Variants in CSMD1 observed in about 807,000 individuals in gnomAD.
CSMD1 encodes CUB and Sushi multiple domains 1, also known as CUB and sushi domain-containing protein 1.
CSMD1 carries 213 observed loss-of-function variants against 417.5 expected under a neutral mutation model. The observed-to-expected ratio is 0.51, with a 90% CI of 0.46 to 0.57. CSMD1 has a LOEUF of 0.57. CSMD1 is among the 20% of genes least tolerant of loss of function. The probability of loss-of-function intolerance (pLI) is 0.00; values close to 1 mark genes in which losing one functional copy is unlikely to be tolerated. For missense variants in CSMD1, 6,923 were observed against 4,529.7 expected (o/e 1.53, Z -15.17); for synonymous variants, 2,862 against 1,736.8 (o/e 1.65, Z -16.11).
intron 10 of CSMD1, among the ~76,000 whole-genome samples, chr8:3,541,577 AAAT>A: frequency 1.7e-5 from 1 of 57,750 alleles, no homozygotes; most frequent in East Asian, 6.7e-4. Flanking sequence ...ATATAATAAA[AAAT>A]AAAATAAAAA....
At chr8:4,138,267 C>A (rs141782904) in intron 3 of CSMD1, among the ~76,000 whole-genome samples, 1 of 146,394 alleles carries the variant, frequency 6.8e-6, no homozygotes, top group East Asian at 2.2e-4. Context: ...CCTGGCTATG[C>A]CATAAACTAA....
chr8:3,598,914 C>A (rs918523827), intron 8 of CSMD1, among the ~76,000 whole-genome samples: 2 of 152,028 alleles, frequency 1.3e-5, no homozygotes, highest in African/African-American at 4.8e-5. Flanking sequence ...AACCCCATCT[C>A]TATGAAAAAT....
intron 10 of CSMD1, among the ~76,000 whole-genome samples, chr8:3,513,509 A>G (rs900177703): frequency 2.0e-5 from 3 of 151,796 alleles, no homozygotes; most frequent in African/African-American, 7.3e-5. Flanking sequence ...GTGAGTCAAT[A>G]CTCCTTAATA....
At chr8:3,932,365 A>G (rs1336037308) in intron 5 of CSMD1, among the ~76,000 whole-genome samples, 1 of 150,654 alleles carries the variant, frequency 6.6e-6, no homozygotes, top group African/African-American at 2.4e-5. Flanking sequence ...GAATGAATAT[A>G]GGCACTTGGG....
intron 3 of CSMD1, among the ~76,000 whole-genome samples, chr8:4,125,556 A>G (rs1011470068): frequency 9.9e-5 from 15 of 152,228 alleles, no homozygotes; most frequent in Non-Finnish European, 2.1e-4. Flanking sequence ...TTTGTTAAAA[A>G]TAAACATTCT....
intron 1 of CSMD1, among the ~76,000 whole-genome samples, chr8:4,918,538 A>G (rs1399844234): frequency 2.0e-5 from 3 of 152,202 alleles, no homozygotes; most frequent in Non-Finnish European, 2.9e-5. Context: ...AATGTGAAAA[A>G]AAAAGCCAAT....
chr8:4,789,409 G>A (rs774963065), intron 1 of CSMD1, among the ~76,000 whole-genome samples: 63 of 152,012 alleles, frequency 4.1e-4, no homozygotes, highest in African/African-American at 1.4e-3. Flanking sequence ...CTACACTCTC[G>A]TATCTAATAT....
intron 7 of CSMD1, among the ~76,000 whole-genome samples, chr8:3,670,261 C>A (rs1798919604): frequency 6.6e-6 from 1 of 152,088 alleles, no homozygotes; most frequent in South Asian, 2.1e-4. Flanking sequence ...AAAGGTCAGA[C>A]TGGCCTAGCC....
At chr8:4,991,741 A>T (rs1397391430) in intron 1 of CSMD1, among the ~76,000 whole-genome samples, 1 of 152,134 alleles carries the variant, frequency 6.6e-6, no homozygotes, top group Non-Finnish European at 1.5e-5. Flanking sequence ...GGCAAGGGGA[A>T]CGCGACGCCG....
intron 8 of CSMD1, 44 bp downstream of exon 8, chr8:3,616,666 C>T: frequency 7.8e-7 from 1 of 1,283,408 alleles, no homozygotes; most frequent in South Asian, 1.2e-5. Flanking sequence ...TAATATATGT[C>T]TTAAAAATAA....
At chr8:4,557,006 A>T (rs1160363534) in intron 2 of CSMD1, among the ~76,000 whole-genome samples, 1 of 152,210 alleles carries the variant, frequency 6.6e-6, no homozygotes, top group African/African-American at 2.4e-5. Flanking sequence ...TCTAAAATTG[A>T]GATTAAGCAA....
chr8:3,564,548 T>TGTGTGTGC (rs1351897386), intron 10 of CSMD1, among the ~76,000 whole-genome samples: 87 of 152,050 alleles, frequency 5.7e-4, no homozygotes, highest in African/African-American at 2.0e-3. Context: ...TGTGTGTGTG[T>TGTGTGTGC]GTATAATACA....
intron 3 of CSMD1, among the ~76,000 whole-genome samples, chr8:4,405,797 G>A (rs1804977123): frequency 6.6e-6 from 1 of 152,164 alleles, no homozygotes; most frequent in Admixed American, 6.6e-5. Flanking sequence ...AGTGATTTTA[G>A]ACACATGCCC....
chr8:3,955,684 G>T (rs2688335), intron 5 of CSMD1, among the ~76,000 whole-genome samples: 1 of 151,900 alleles, frequency 6.6e-6, no homozygotes, highest in African/African-American at 2.4e-5. Context: ...CAGAGGATGA[G>T]GAAAGAGGAT....
At chr8:4,755,045 G>C (rs1465716829) in intron 1 of CSMD1, among the ~76,000 whole-genome samples, 1 of 152,110 alleles carries the variant, frequency 6.6e-6, no homozygotes, top group Non-Finnish European at 1.5e-5. Context: ...GGCTGAGGCA[G>C]AAGAATTGCT....
At chr8:4,331,043 C>A (rs1053562123) in intron 3 of CSMD1, among the ~76,000 whole-genome samples, 2 of 152,168 alleles carry the variant, frequency 1.3e-5, no homozygotes, top group African/African-American at 2.4e-5. Flanking sequence ...ACTGCAGATT[C>A]AATAACTATT....
At position 4,419,386 on chromosome 8, in the gene CSMD1, A is replaced by T. The variant is rs73658871; in HGVS notation, c.415+567T>A. 2.6e-3 allele frequency among the ~76,000 whole-genome samples: 398 copies of T among 152,336 alleles called. 7 individuals carry two copies. The highest frequency in any genetic ancestry group is 9.3e-3 in the African/African-American group (386 of 41,584). On this transcript the variant is annotated intron_variant, in intron 3 of 69. Transcript: ENST00000635120. Reference sequence around the variant, plus strand: ...AGTTCTATCTCTGCATTTAAAAAAAATTTCTGCCAAAAGCCGTTTTAATAA... The same window carrying T: ...AGTTCTATCTCTGCATTTAAAAAAATTTTCTGCCAAAAGCCGTTTTAATAA...
chr8:3,611,540 T>A (rs1473497194), intron 8 of CSMD1, among the ~76,000 whole-genome samples: 2 of 152,118 alleles, frequency 1.3e-5, no homozygotes, highest in Non-Finnish European at 2.9e-5. Context: ...ATGACAAAAT[T>A]TGAGCCCATG....
intron 5 of CSMD1, among the ~76,000 whole-genome samples, chr8:3,878,772 G>A (rs942814143): frequency 4.3e-4 from 66 of 152,150 alleles, no homozygotes; most frequent in Admixed American, 4.3e-3. Context: ...TATGCTTCCT[G>A]AGTTTGTGCA....
Sources: allele counts gnomAD v4.1 joint callset (sites outside exome capture counted in the v4.1 genomes callset), GRCh38; gene constraint gnomAD v4.1.1; transcripts MANE v1.5; gene names NCBI Gene and HGNC (gene_info 2026-07-23, HGNC 2026-07-21).